The following GABRG3 variants were observed in gnomAD, a reference collection of about 807,000 sequenced individuals.
GABRG3 encodes the protein gamma-aminobutyric acid type A receptor subunit gamma3, also known as gamma-aminobutyric acid receptor subunit gamma-3.
A neutral mutation model predicts 48.8 loss-of-function variants in GABRG3; 25 were observed. The observed-to-expected ratio is 0.51, with a 90% CI of 0.37 to 0.72. The LOEUF (loss-of-function observed/expected upper bound fraction) is 0.72, where lower values mean the gene tolerates loss of function less well. Ranked by LOEUF, GABRG3 falls within the 30% of genes least tolerant of loss-of-function variation. GABRG3 has a pLI of 0.00. For synonymous variants in GABRG3, 227 were observed against 217.6 expected, an observed-to-expected ratio of 1.04 and a Z score of -0.38; for missense variants, 394 against 577.9, an observed-to-expected ratio of 0.68 and a Z score of 3.26.
intron 3 of GABRG3, among the ~76,000 whole-genome samples, chr15:27,321,530 A>T (rs1893425652): frequency 6.6e-6 from 1 of 152,150 alleles, no homozygotes; most frequent in Non-Finnish European, 1.5e-5. Context: ...GTTTTACTCT[A>T]ATCACTGCAT....
chr15:26,996,846 G>T (rs1391009660), intron 2 of GABRG3, among the ~76,000 whole-genome samples: 1 of 151,922 alleles, frequency 6.6e-6, no homozygotes, highest in Non-Finnish European at 1.5e-5. Context: ...TAGAGACGGG[G>T]TTTCACCGTG....
rs962375728 is a variant in GABRG3 at position 27,179,107 on chromosome 15, C to T, written c.271-147702C>T. On this transcript the variant is annotated intron_variant, in intron 3 of 9. Coordinates refer to ENST00000615808, the MANE Select transcript of GABRG3 (RefSeq NM_033223.5). This position sits in a 1 kb window ranked among gnomAD's most constrained non-coding sequence, Gnocchi z 4.0. ...TCATTTTGGGTTATAGTTTTCTATC[C>T]CCAATAAAACAAATAAACAAAGAAA... is the stretch of plus-strand genomic sequence containing the variant. 1.3e-5 allele frequency among the ~76,000 whole-genome samples: 2 copies of T among 151,938 alleles called. No homozygotes were observed. The highest frequency in any genetic ancestry group is 6.6e-5 in the Admixed American group (1 of 15,246).
rs1348999662 is a variant in GABRG3, at chr15:26,974,716, G to A, written c.54-2286G>A. Among the ~76,000 whole-genome samples, 1 of 152,054 alleles carries A rather than the reference G, an allele frequency of 6.6e-6. No individual in the cohort carries two copies. The highest frequency in any genetic ancestry group is 1.5e-5 in the Non-Finnish European group (1 of 68,022). ...GCTGTGGAGTGATTTGCCCTGTCCC[G>A]TGGGCAGTGCTTGATTCCCAGCTAT... On this transcript the variant is annotated intron_variant, in intron 1 of 9. Coordinates refer to ENST00000615808, the MANE Select transcript of GABRG3 (RefSeq NM_033223.5). This position sits in a 1 kb window ranked among gnomAD's most constrained non-coding sequence, Gnocchi z 4.3.
intron 3 of GABRG3, among the ~76,000 whole-genome samples, chr15:27,306,271 T>C (rs1312005056): frequency 1.4e-5 from 2 of 138,670 alleles, no homozygotes; most frequent in African/African-American, 2.7e-5. Flanking sequence ...TATGTAAACA[T>C]ATATAACATA....
chr15:27,071,501 G>A (rs1352323427), intron 3 of GABRG3, among the ~76,000 whole-genome samples: 1 of 152,218 alleles, frequency 6.6e-6, no homozygotes, highest in Admixed American at 6.5e-5. Context: ...CACCTGTCCT[G>A]ATAGAGCTCT....
chr15:27,339,689 A>G (rs1174114946), intron 5 of GABRG3, among the ~76,000 whole-genome samples: 1 of 152,194 alleles, frequency 6.6e-6, no homozygotes, highest in African/African-American at 2.4e-5. Context: ...ACCACTGTAC[A>G]GGTACACAGG....
At chr15:27,456,513 A>T (rs1216805344) in intron 5 of GABRG3, among the ~76,000 whole-genome samples, 2 of 152,236 alleles carry the variant, frequency 1.3e-5, no homozygotes, top group African/African-American at 2.4e-5. Flanking sequence ...TGATGCATTC[A>T]GTTCAGCTCC....
At chr15:27,257,180 T>C (rs1890646338) in intron 3 of GABRG3, among the ~76,000 whole-genome samples, 1 of 151,818 alleles carries the variant, frequency 6.6e-6, no homozygotes, top group Admixed American at 6.6e-5. Flanking sequence ...TGGATCATTT[T>C]TTAATAAACC....
rs1409274340 is a variant in GABRG3 at position 27,236,297 on chromosome 15, G to A, written c.271-90512G>A. Among the ~76,000 whole-genome samples, 2 of 152,180 alleles carry A rather than the reference G, an allele frequency of 1.3e-5. No homozygotes were observed. The highest frequency in any genetic ancestry group is 2.9e-5 in the Non-Finnish European group (2 of 68,030). ...GGGTCTACTTGCACAGCACTGGAGG[G>A]AGACTGAAGAGCAGAGCTGAGCTTC... On this transcript the variant is annotated intron_variant, in intron 3 of 9. Transcript: ENST00000615808. This position sits in a 1 kb window ranked among gnomAD's most constrained non-coding sequence, Gnocchi z 4.4.
intron 5 of GABRG3, among the ~76,000 whole-genome samples, chr15:27,387,142 A>G (rs1000837388): frequency 3.9e-5 from 6 of 152,154 alleles, no homozygotes; most frequent in African/African-American, 1.4e-4. Flanking sequence ...TATATTAACT[A>G]AAGTACAAAC....
At chr15:27,032,509 G>A (rs1476685983) in intron 3 of GABRG3, among the ~76,000 whole-genome samples, 1 of 152,168 alleles carries the variant, frequency 6.6e-6, no homozygotes, top group Non-Finnish European at 1.5e-5. Context: ...GAGAGCCTCA[G>A]GAAGCTTCCA....
At chr15:27,408,187 A>G (rs1437188234) in intron 5 of GABRG3, among the ~76,000 whole-genome samples, 1 of 152,218 alleles carries the variant, frequency 6.6e-6, no homozygotes, top group African/African-American at 2.4e-5. Flanking sequence ...TAACAAGAGT[A>G]AGTATCAGAA....
intron 5 of GABRG3, among the ~76,000 whole-genome samples, chr15:27,431,465 A>G (rs978236240): frequency 1.3e-5 from 2 of 152,150 alleles, no homozygotes; most frequent in Non-Finnish European, 2.9e-5. Flanking sequence ...CATGCTCTCT[A>G]TAAATAGAGA....
intron 3 of GABRG3, among the ~76,000 whole-genome samples, chr15:27,093,200 T>A (rs1314707260): frequency 6.6e-6 from 1 of 152,034 alleles, no homozygotes; most frequent in Non-Finnish European, 1.5e-5. Context: ...CAATGTCACA[T>A]GTGGCCAGGT....
chr15:27,230,332 G>C (rs1313134964), intron 3 of GABRG3, among the ~76,000 whole-genome samples: 3 of 152,134 alleles, frequency 2.0e-5, no homozygotes, highest in African/African-American at 7.2e-5. Context: ...TAAAAAAATA[G>C]TCAGTTTATT....
Position 27,004,829 on chromosome 15 carries a change from C to T in GABRG3, c.203-21925C>T, listed in dbSNP as rs767902203. Among the ~76,000 whole-genome samples the T allele has an allele frequency of 2.1e-4, 32 of 152,224 alleles. 2 individuals are homozygous for T. Among genetic ancestry groups the T allele is most frequent in the Middle Eastern group, 6.8e-3 (2 of 294 alleles). On this transcript the variant is annotated intron_variant, in intron 2 of 9. Transcript: ENST00000615808. ...AGTTACATATTGCTGTAAAATAAACCGCCTTAAGATTCACTGGCCTACGAC... is the reference window on the plus strand; with the variant it reads ...AGTTACATATTGCTGTAAAATAAACTGCCTTAAGATTCACTGGCCTACGAC...
At chr15:27,284,193 A>T (rs1461528308) in intron 3 of GABRG3, among the ~76,000 whole-genome samples, 3 of 152,236 alleles carry the variant, frequency 2.0e-5, no homozygotes, top group Admixed American at 2.0e-4. Flanking sequence ...ACTAAGCAGT[A>T]CAGGTATTCT....
intron 3 of GABRG3, among the ~76,000 whole-genome samples, chr15:27,265,610 C>A (rs1890893028): frequency 6.6e-6 from 1 of 152,158 alleles, no homozygotes; most frequent in African/African-American, 2.4e-5. Flanking sequence ...AGACACAGGT[C>A]TTCAAGGACC....
intron 9 of GABRG3, among the ~76,000 whole-genome samples, chr15:27,528,621 C>T (rs948867869): frequency 6.6e-5 from 10 of 152,168 alleles, no homozygotes; most frequent in Non-Finnish European, 8.8e-5. Flanking sequence ...CACCTCATCC[C>T]GAACTTTCCC....
Sources: allele counts gnomAD v4.1 joint callset (sites outside exome capture counted in the v4.1 genomes callset), GRCh38; gene constraint gnomAD v4.1.1; non-coding constraint Gnocchi (gnomAD v3.1); transcripts MANE v1.5; gene names NCBI Gene and HGNC (gene_info 2026-07-23, HGNC 2026-07-21).